UNK: variants seen among roughly 807,000 people sequenced by gnomAD.
The protein encoded by UNK is unk zinc finger, also known as RING finger protein unkempt homolog.
Under a neutral mutation model 97.6 loss-of-function variants are expected in UNK, and 32 were observed. That is an observed-to-expected ratio of 0.33 (90% CI 0.25 to 0.44). The LOEUF is 0.44. Ranked by LOEUF, UNK falls within the 20% of genes least tolerant of loss-of-function variation. The pLI is 1.00. For missense variants in UNK, 771 were observed against 1,098.4 expected (o/e 0.70, Z 4.21); for synonymous variants, 441 against 461.2 (o/e 0.96, Z 0.56).
Position 75,825,388 on chromosome 17 carries a change from A to G in UNK, c.*971A>G, listed in dbSNP as rs971664122. 8 of 152,426 alleles carry G rather than the reference A, an allele frequency of 5.2e-5. No homozygotes were observed. Among genetic ancestry groups the G allele is most frequent in the Admixed American group, 5.2e-4 (8 of 15,272 alleles). The allele number at this position is 152,426 out of a possible 1,614,324, so 9.4% of individuals were successfully genotyped here. A position where few individuals can be genotyped will look rare whatever the true frequency, so the allele number is the denominator to read the frequency against. ...GAGTGCGGACTGAGGACTGAGGACC[A>G]AGGGGGCCCAGGCCCTGCCCTCCTA... On this transcript the variant is annotated 3_prime_UTR_variant, in exon 16 of 16. Coordinates refer to ENST00000589666, the MANE Select transcript of UNK (RefSeq NM_001080419.3). The surrounding 1 kb of genome is among the most constrained non-coding windows in gnomAD (Gnocchi z 4.4).
At chr17:75,799,315 A>C (rs575742086) in intron 1 of UNK, among the ~76,000 whole-genome samples, 1 of 152,212 alleles carries the variant, frequency 6.6e-6, no homozygotes, top group African/African-American at 2.4e-5. Context: ...CAAAAAAGTT[A>C]ATCTGTAATG....
intron 1 of UNK, among the ~76,000 whole-genome samples, chr17:75,807,786 A>C (rs2061932393): frequency 6.6e-6 from 1 of 150,804 alleles, no homozygotes; most frequent in Non-Finnish European, 1.5e-5. Context: ...ACCGGGTTTC[A>C]GCAGTTTGGC....
rs1453174938 is a variant in UNK at position 75,818,846 on chromosome 17, A to G, written c.1546+30A>G. 10 of 1,541,090 alleles carry G rather than the reference A, an allele frequency of 6.5e-6. No homozygotes were observed. The highest frequency in any genetic ancestry group is 8.8e-6 in the Non-Finnish European group (10 of 1,139,900). On this transcript the variant is annotated intron_variant, in intron 11 of 15. Transcript: ENST00000589666. This position sits in a 1 kb window ranked among gnomAD's most constrained non-coding sequence, Gnocchi z 5.1. ...CTAGGCCATTTCTGTTTGAAAGCCC[A>G]GGACTGGGTCTGGGGTCAGAGACCC...
intron 13 of UNK, 32 bp from the exon 14 acceptor site, chr17:75,822,445 C>T (rs751799534): frequency 1.9e-5 from 30 of 1,583,052 alleles, no homozygotes; most frequent in South Asian, 9.3e-5. Flanking sequence ...CAAAGCCCTC[C>T]GGAGCTGATG....
chr17:75,785,007 C>CAA, intron 1 of UNK, 23 bp downstream of exon 1: 1 of 1,225,432 alleles, frequency 8.2e-7, no homozygotes. Flanking sequence ...CCCCCCCCCC[C>CAA]GCCGCGCGCG....
chr17:75,811,381 G>A (rs1599380052), intron 2 of UNK, among the ~76,000 whole-genome samples: 1 of 152,210 alleles, frequency 6.6e-6, no homozygotes, highest in Non-Finnish European at 1.5e-5. Flanking sequence ...TGAGATTGCA[G>A]ATGTGAGCTA....
At chr17:75,810,907 A>G (rs1335982896) in intron 2 of UNK, among the ~76,000 whole-genome samples, 1 of 150,662 alleles carries the variant, frequency 6.6e-6, no homozygotes, top group Admixed American at 6.6e-5. Context: ...AAGTGCTGGA[A>G]TTACAGGCAG....
At chr17:75,796,206 C>T (rs1355976942) in intron 1 of UNK, among the ~76,000 whole-genome samples, 1 of 152,124 alleles carries the variant, frequency 6.6e-6, no homozygotes, top group African/African-American at 2.4e-5. Flanking sequence ...ATAATACTCC[C>T]TGAGCTTGCT....
chr17:75,811,980 G>A (rs1411527409), intron 2 of UNK, 132 bp from the exon 3 acceptor site: 23 of 1,162,114 alleles, frequency 2.0e-5, no homozygotes, highest in Middle Eastern at 2.3e-4. Context: ...GCAAGACTCC[G>A]TCTCAAAAAC....
Position 75,818,880 on chromosome 17 carries a change from C to T in UNK, c.1546+64C>T, listed in dbSNP as rs2062041018. On this transcript the variant is annotated intron_variant, in intron 11 of 15. Transcript: ENST00000589666. The surrounding 1 kb of genome is among the most constrained non-coding windows in gnomAD (Gnocchi z 5.1). Reference sequence around the variant, plus strand: ...TCTGGGGTCAGAGACCCCCCAGTCTCTGAAGCGAGTCTCAAATCAGCACAC... The same window carrying T: ...TCTGGGGTCAGAGACCCCCCAGTCTTTGAAGCGAGTCTCAAATCAGCACAC... 2.1e-6 allele frequency: 3 copies of T among 1,455,786 alleles called. No individual in the cohort carries two copies. In the East Asian group the frequency reaches 7.7e-5, roughly 37 times the overall value. The allele number at this position is 1,455,786 out of a possible 1,614,324, so 90.2% of individuals were successfully genotyped here.
intron 1 of UNK, among the ~76,000 whole-genome samples, chr17:75,789,486 G>A (rs1042589481): frequency 1.3e-5 from 2 of 152,038 alleles, no homozygotes; most frequent in African/African-American, 4.8e-5. Flanking sequence ...ACAGGCGCCC[G>A]CCACCATGCC....
chr17:75,815,273 C>T lies in UNK; in HGVS notation c.961+20C>T, dbSNP rs2062006971. 2.5e-6 allele frequency: 4 copies of T among 1,604,602 alleles called. No individual in the cohort carries two copies. Among genetic ancestry groups the T allele is most frequent in the Middle Eastern group, 1.7e-4 (1 of 6,032 alleles). ...TAGAACGTATGCTGTTCCCATTGCC[C>T]CGGGGCAGTGCCCTCTCCCACCCCT... is the stretch of plus-strand genomic sequence containing the variant. On this transcript the variant is annotated intron_variant, in intron 7 of 15. Coordinates refer to ENST00000589666, the MANE Select transcript of UNK (RefSeq NM_001080419.3).
At chr17:75,805,810 A>ATTGTGTGTG (rs368975341) in intron 1 of UNK, among the ~76,000 whole-genome samples, 5 of 145,402 alleles carry the variant, frequency 3.4e-5, no homozygotes, top group Admixed American at 6.9e-5. Flanking sequence ...AAAAAGAAAA[A>ATTGTGTGTG]TGTGTGTGTG....
In UNK at chr17:75,817,169, C is replaced by A. The variant is rs8074216; in HGVS notation, c.1105-157C>A. Among the ~76,000 whole-genome samples the A allele has an allele frequency of 6.6e-6, 1 of 152,162 alleles. No homozygotes were observed. The highest frequency in any genetic ancestry group is 1.5e-5 in the Non-Finnish European group (1 of 68,028). On this transcript the variant is annotated intron_variant, in intron 8 of 15. Coordinates refer to ENST00000589666, the MANE Select transcript of UNK (RefSeq NM_001080419.3). The surrounding 1 kb of genome is among the most constrained non-coding windows in gnomAD (Gnocchi z 5.8). ...AGCCTGAGGTCACTCCCCTTTCCTT[C>A]GTGAGCTTCGGGCTCCCCGAGTGGT...
chr17:75,787,328 C>T (rs2061721720), intron 1 of UNK, among the ~76,000 whole-genome samples: 1 of 152,130 alleles, frequency 6.6e-6, no homozygotes, highest in African/African-American at 2.4e-5. Context: ...CCTCCCACCT[C>T]AGTCTCCTGA....
At chr17:75,788,001 G>A (rs2061728832) in intron 1 of UNK, among the ~76,000 whole-genome samples, 1 of 151,910 alleles carries the variant, frequency 6.6e-6, no homozygotes, top group African/African-American at 2.4e-5. Flanking sequence ...GGGAGTTAGG[G>A]GGCGGGAGCA....
In UNK at chr17:75,819,873, C is replaced by A; in HGVS notation, c.1649-47C>A. On this transcript the variant is annotated intron_variant, in intron 12 of 15. Coordinates refer to ENST00000589666, the MANE Select transcript of UNK (RefSeq NM_001080419.3). This position sits in a 1 kb window ranked among gnomAD's most constrained non-coding sequence, Gnocchi z 5.4. ...CCCTTGCTCTGTGTGGCCCGCCTGG[C>A]TTCCGCTGCCCTCACCCAGCCCGTC... is the stretch of plus-strand genomic sequence containing the variant. 1 of 1,602,232 alleles carries A rather than the reference C, an allele frequency of 6.2e-7. No homozygotes were observed. Among genetic ancestry groups the A allele is most frequent in the Non-Finnish European group, 8.5e-7 (1 of 1,173,786 alleles).
chr17:75,792,068 A>G (rs1010797687), intron 1 of UNK: 1 of 985,170 alleles, frequency 1.0e-6, no homozygotes, highest in Non-Finnish European at 1.2e-6. Context: ...ACGCTTAGGT[A>G]ACTAGAGCCC....
Position 75,818,685 on chromosome 17 carries a change from G to C in UNK, c.1415G>C (p.Ser472Thr). ...CCCGCAGGCAGCCCCCTGACCTCAAGCATCTCTTCTAGTATCACCTCCAGC... is the reference window on the plus strand; with the variant it reads ...CCCGCAGGCAGCCCCCTGACCTCAACCATCTCTTCTAGTATCACCTCCAGC... Reference protein sequence around the residue: ...ILPAGSPLTSSISSSITSSLA... With the variant: ...ILPAGSPLTSTISSSITSSLA... The change falls in exon 11 of 16, where the codon AGC becomes ACC. Residue 472 changes from serine to threonine, a missense_variant. Ser to Thr is a moderately conservative substitution (Grantham distance 58, BLOSUM62 1). Around this residue, in one of 5 missense-constraint regions of UNK, gnomAD observed 192 missense variants for 202.4 expected, o/e 0.95. Transcript: ENST00000589666. The surrounding 1 kb of genome is among the most constrained non-coding windows in gnomAD (Gnocchi z 5.1). 1 of 1,610,710 alleles carries C rather than the reference G, an allele frequency of 6.2e-7. No homozygotes were observed. Among genetic ancestry groups the C allele is most frequent in the Non-Finnish European group, 8.5e-7 (1 of 1,178,148 alleles).
Sources: allele counts gnomAD v4.1 joint callset (sites outside exome capture counted in the v4.1 genomes callset), GRCh38; gene constraint gnomAD v4.1.1; regional missense constraint gnomAD v4.1.1; non-coding constraint Gnocchi (gnomAD v3.1); transcripts MANE v1.5; gene names NCBI Gene and HGNC (gene_info 2026-07-23, HGNC 2026-07-21).